The following AJAP1 variants were observed in gnomAD, a reference collection of about 807,000 sequenced individuals.
AJAP1 encodes adherens junction-associated protein 1.
In AJAP1, 5 loss-of-function variants were observed where a neutral mutation model predicts 35.0. The ratio of observed to expected loss-of-function variants is 0.14; its 90% confidence interval spans 0.07 to 0.30. The LOEUF is 0.30. Ranked by LOEUF, AJAP1 falls within the 10% of genes least tolerant of loss-of-function variation. The pLI is 1.00. For missense variants in AJAP1, 586 were observed against 571.0 expected (o/e 1.03, Z -0.27); for synonymous variants, 284 against 249.3 (o/e 1.14, Z -1.31).
chr1:4,655,401 A>C lies in AJAP1; in HGVS notation c.-25A>C. 1 of 1,554,168 alleles carries C rather than the reference A, an allele frequency of 6.4e-7. No homozygotes were observed. Among genetic ancestry groups the C allele is most frequent in the Middle Eastern group, 1.7e-4 (1 of 5,852 alleles). ...AGATGGCCTGGGCGAGCCAGGTCTG[A>C]GGCCCCGCTCCCCGAAACGTGACCA... On this transcript the variant is annotated 5_prime_UTR_variant, in exon 1 of 6. The change abolishes the stop of an existing upstream ORF in the 5' untranslated region. Coordinates refer to ENST00000378191, the MANE Select transcript of AJAP1 (RefSeq NM_018836.4). This position sits in a 1 kb window ranked among gnomAD's most constrained non-coding sequence, Gnocchi z 6.9.
intron 5 of AJAP1, among the ~76,000 whole-genome samples, chr1:4,780,088 G>T (rs12731863): frequency 2.8e-5 from 4 of 142,616 alleles, no homozygotes; most frequent in East Asian, 2.2e-4. Context: ...AGGTTGCAGT[G>T]AGCTGAGATT....
chr1:4,742,738 G>C (rs1043102738), intron 2 of AJAP1, among the ~76,000 whole-genome samples: 53 of 152,144 alleles, frequency 3.5e-4, no homozygotes, highest in African/African-American at 9.7e-4. Flanking sequence ...ATGTGGGTTG[G>C]CTTCATGAAA....
At chr1:4,728,491 C>T (rs992833322) in intron 2 of AJAP1, among the ~76,000 whole-genome samples, 2 of 152,200 alleles carry the variant, frequency 1.3e-5, no homozygotes, top group African/African-American at 4.8e-5. Context: ...GTGACACCTG[C>T]TCCCAGTGGC....
chr1:4,701,405 C>A (rs1639987156), intron 1 of AJAP1, among the ~76,000 whole-genome samples: 1 of 152,222 alleles, frequency 6.6e-6, no homozygotes, highest in Non-Finnish European at 1.5e-5. Context: ...ATGTCACCCC[C>A]ACGCCATGCT....
At position 4,675,095 on chromosome 1, in the gene AJAP1, C is replaced by G. The variant is rs529686988; in HGVS notation, c.29+19641C>G. On this transcript the variant is annotated intron_variant, in intron 1 of 5. Coordinates refer to ENST00000378191, the MANE Select transcript of AJAP1 (RefSeq NM_018836.4). ...GGTGGGGGGGAAACAGAGCAAAACC[C>G]GTGCCCTCCTCTCCTCCCTAGGCCA... Among the ~76,000 whole-genome samples the G allele has an allele frequency of 2.0e-5, 3 of 152,268 alleles. No homozygotes were observed. In the South Asian group the frequency reaches 6.2e-4, roughly 32 times the overall value.
At chr1:4,742,304 G>A (rs750036392) in intron 2 of AJAP1, among the ~76,000 whole-genome samples, 7 of 152,168 alleles carry the variant, frequency 4.6e-5, no homozygotes, top group Non-Finnish European at 8.8e-5. Context: ...AACACAGTAC[G>A]GCTTCGTGAT....
In AJAP1 at chr1:4,783,513, T is replaced by TTG. The variant is rs1298640263; in HGVS notation, c.*1036_*1037dup. 8.7e-5 allele frequency: 9 copies of TTG among 103,840 alleles called. No individual in the cohort carries two copies. The highest frequency in any genetic ancestry group is 6.9e-4 in the South Asian group (2 of 2,888). The allele number at this position is 103,840 out of a possible 1,614,324, so 6.4% of individuals were successfully genotyped here. A position where few individuals can be genotyped will look rare whatever the true frequency, so the allele number is the denominator to read the frequency against. ...TATATATATATATATATATATATGTTTGTGTGTGTATATATATATATATAT... is the reference window on the plus strand; with the variant it reads ...TATATATATATATATATATATATGTTTGTGTGTGTGTATATATATATATATAT... On this transcript the variant is annotated 3_prime_UTR_variant, in exon 6 of 6. Coordinates refer to ENST00000378191, the MANE Select transcript of AJAP1 (RefSeq NM_018836.4).
At chr1:4,680,617 A>G (rs1253838371) in intron 1 of AJAP1, among the ~76,000 whole-genome samples, 4 of 152,208 alleles carry the variant, frequency 2.6e-5, no homozygotes, top group Admixed American at 1.3e-4. Flanking sequence ...CATCCAGGCC[A>G]CTGATGTCCA....
chr1:4,770,809 G>A (rs1641817096), intron 3 of AJAP1, among the ~76,000 whole-genome samples: 1 of 152,144 alleles, frequency 6.6e-6, no homozygotes, highest in Admixed American at 6.5e-5. Context: ...TTCTTGACAG[G>A]CTGCAGGAGG....
At chr1:4,770,051 T>G in intron 3 of AJAP1, 111 bp downstream of exon 3, 1 of 972,856 alleles carries the variant, frequency 1.0e-6, no homozygotes, top group East Asian at 2.4e-5. Flanking sequence ...TGCTGGCTTC[T>G]GCCCTGGGCA....
chr1:4,724,875 T>A (rs1557626999), intron 2 of AJAP1, among the ~76,000 whole-genome samples: 1 of 152,238 alleles, frequency 6.6e-6, no homozygotes, highest in East Asian at 1.9e-4. Context: ...GGTGACAATG[T>A]GCCGTGCTTT....
In AJAP1 at chr1:4,792,017, T is replaced by G. The variant is rs2100389499; in HGVS notation, c.*9532T>G. 1 of 152,340 alleles carries G rather than the reference T, an allele frequency of 6.6e-6. No homozygotes were observed. The highest frequency in any genetic ancestry group is 3.4e-3 in the Middle Eastern group (1 of 294). The allele number at this position is 152,340 out of a possible 1,614,324, so 9.4% of individuals were successfully genotyped here. A position where few individuals can be genotyped will look rare whatever the true frequency, so the allele number is the denominator to read the frequency against. Reference sequence around the variant, plus strand: ...GGTTTTGCATTGAATGTTTTAGAACTTTATTCCCCCGCCCCCTCACCCATG... The same window carrying G: ...GGTTTTGCATTGAATGTTTTAGAACGTTATTCCCCCGCCCCCTCACCCATG... On this transcript the variant is annotated 3_prime_UTR_variant, in exon 6 of 6. Coordinates refer to ENST00000378191, the MANE Select transcript of AJAP1 (RefSeq NM_018836.4).
chr1:4,776,544 TA>T (rs888495978), intron 5 of AJAP1, among the ~76,000 whole-genome samples: 9 of 151,898 alleles, frequency 5.9e-5, no homozygotes, highest in African/African-American at 2.2e-4. Flanking sequence ...GCACTGACTT[TA>T]AAAAAAATAA....
intron 1 of AJAP1, among the ~76,000 whole-genome samples, chr1:4,695,273 C>G (rs1224786055): frequency 6.6e-6 from 1 of 152,166 alleles, no homozygotes; most frequent in Non-Finnish European, 1.5e-5. Flanking sequence ...TGGAGGCTTC[C>G]TGCTGCACTC....
intron 1 of AJAP1, among the ~76,000 whole-genome samples, chr1:4,682,343 T>A (rs1639502616): frequency 6.6e-6 from 1 of 152,204 alleles, no homozygotes; most frequent in African/African-American, 2.4e-5. Flanking sequence ...AAGTGGAGCT[T>A]GGCCACCTTC....
intron 1 of AJAP1, among the ~76,000 whole-genome samples, chr1:4,683,552 A>G (rs1639534855): frequency 6.6e-6 from 1 of 152,208 alleles, no homozygotes; most frequent in Non-Finnish European, 1.5e-5. Context: ...GTGACCTCAG[A>G]CATTCAGGAA....
intron 2 of AJAP1, among the ~76,000 whole-genome samples, chr1:4,761,064 C>T (rs550752698): frequency 1.3e-5 from 2 of 152,296 alleles, no homozygotes; most frequent in East Asian, 1.9e-4. Flanking sequence ...GCCCCCTTGA[C>T]CCTAACTGAA....
At chr1:4,751,968 C>T (rs1293683427) in intron 2 of AJAP1, among the ~76,000 whole-genome samples, 1 of 152,166 alleles carries the variant, frequency 6.6e-6, no homozygotes, top group Admixed American at 6.5e-5. Flanking sequence ...TGCAACCAGA[C>T]CTTCTTATGC....
At chr1:4,756,270 G>A (rs1180680011) in intron 2 of AJAP1, among the ~76,000 whole-genome samples, 1 of 152,172 alleles carries the variant, frequency 6.6e-6, no homozygotes, top group Non-Finnish European at 1.5e-5. Context: ...TGGCCCTGCC[G>A]AAAGCAGCTC....
Sources: gnomAD v4.1 joint callset for allele counts (sites outside exome capture counted in the v4.1 genomes callset) on GRCh38, gnomAD v4.1.1 for gene constraint, Gnocchi (gnomAD v3.1) non-coding constraint, MANE v1.5 for transcripts, NCBI Gene and HGNC (gene_info 2026-07-23, HGNC 2026-07-21) for gene names.